The following RPS6KA2 variants were observed in gnomAD, a reference collection of about 807,000 sequenced individuals.
RPS6KA2 encodes ribosomal protein S6 kinase A2.
RPS6KA2 carries 42 observed loss-of-function variants against 91.8 expected under a neutral mutation model. The observed-to-expected ratio is 0.46, with a 90% CI of 0.36 to 0.59. RPS6KA2 has a LOEUF of 0.59. RPS6KA2 is among the 20% of genes least tolerant of loss of function. The probability of loss-of-function intolerance (pLI) is 0.00; values close to 1 mark genes in which losing one functional copy is unlikely to be tolerated. For synonymous variants in RPS6KA2, 414 were observed against 393.6 expected (o/e 1.05, Z -0.61); for missense variants, 798 against 978.5 (o/e 0.82, Z 2.46).
At chr6:166,439,751 T>A (rs1779460224) in intron 14 of RPS6KA2, 1 of 152,240 alleles carries the variant, frequency 6.6e-6, no homozygotes, top group African/African-American at 2.4e-5. Context: ...CTCTGGTTGG[T>A]CCTGACTTGG....
intron 3 of RPS6KA2, among the ~76,000 whole-genome samples, chr6:166,512,335 A>G (rs958497944): frequency 1.3e-5 from 2 of 152,186 alleles, no homozygotes; most frequent in African/African-American, 4.8e-5. Context: ...ATGGGAAGTC[A>G]TTGTTTCCAC....
At chr6:166,714,737 T>C (rs1411470846) in intron 2 of RPS6KA2, among the ~76,000 whole-genome samples, 1 of 152,216 alleles carries the variant, frequency 6.6e-6, no homozygotes, top group East Asian at 1.9e-4. Flanking sequence ...GAGCCCACTC[T>C]GCCACACCTC....
chr6:166,697,850 G>C (rs1272274644), intron 2 of RPS6KA2, among the ~76,000 whole-genome samples: 1 of 152,214 alleles, frequency 6.6e-6, no homozygotes, highest in Non-Finnish European at 1.5e-5. Context: ...GGAACAGAAG[G>C]CATGTCTGCC....
rs981358199 is a variant in RPS6KA2 at position 166,849,781 on chromosome 6, G to T, written c.123+8419C>A. Among the ~76,000 whole-genome samples, 12 of 152,222 alleles carry T rather than the reference G, an allele frequency of 7.9e-5. No individual in the cohort carries two copies. Among genetic ancestry groups the T allele is most frequent in the Non-Finnish European group, 1.6e-4 (11 of 68,030 alleles). On this transcript the variant is annotated intron_variant, in intron 2 of 21. Coordinates refer to the RPS6KA2 transcript ENST00000503859. The surrounding 1 kb of genome is among the most constrained non-coding windows in gnomAD (Gnocchi z 4.9). The stretch of plus-strand genomic sequence containing the variant: ...CTGACACCAGCATGTGTTCACAGCC[G>T]TTTCCTCAAGCTGACTGAATTCTCG...
chr6:166,510,558 TA>T (rs1204428160), intron 3 of RPS6KA2, among the ~76,000 whole-genome samples: 131 of 8,268 alleles, frequency 0.016, 23 homozygotes, highest in Non-Finnish European at 1.5e-3. Context: ...CTCTCTCATA[TA>T]TATATATATA....
intron 2 of RPS6KA2, among the ~76,000 whole-genome samples, chr6:166,703,976 C>T (rs1239557042): frequency 6.6e-6 from 1 of 152,202 alleles, no homozygotes; most frequent in Admixed American, 6.5e-5. Context: ...CTTCCAGCTG[C>T]TGTCTTCAGA....
At chr6:166,855,396 GGAGGAGGAGGAA>G (rs1390035127) in intron 2 of RPS6KA2, among the ~76,000 whole-genome samples, 9 of 151,300 alleles carry the variant, frequency 5.9e-5, no homozygotes, top group African/African-American at 2.2e-4. Context: ...AAAAGGAGAA[GGAGGAGGAGGAA>G]GAGGAGGAGG....
chr6:166,468,169 C>A (rs904516385), intron 11 of RPS6KA2, among the ~76,000 whole-genome samples: 7 of 152,196 alleles, frequency 4.6e-5, no homozygotes, highest in Non-Finnish European at 1.0e-4. Context: ...ACCTTAGGTG[C>A]CCATCTGTGA....
chr6:166,762,099 G>T (rs1778189481), intron 2 of RPS6KA2, among the ~76,000 whole-genome samples: 1 of 152,292 alleles, frequency 6.6e-6, no homozygotes, highest in South Asian at 2.1e-4. Context: ...TACATGGTCT[G>T]TCCCACCTGG....
At chr6:166,555,664 T>C (rs566096178) in intron 1 of RPS6KA2, among the ~76,000 whole-genome samples, 116 of 152,262 alleles carry the variant, frequency 7.6e-4, no homozygotes, top group South Asian at 4.2e-3. Flanking sequence ...CTGACTCCTG[T>C]GTGCATCGGG....
chr6:166,486,172 G>A (rs1204434822), intron 10 of RPS6KA2, among the ~76,000 whole-genome samples: 2 of 152,198 alleles, frequency 1.3e-5, no homozygotes, highest in Non-Finnish European at 2.9e-5. Context: ...GGACTTTGCT[G>A]AGGGGGTCCC....
At chr6:166,425,105 A>G (rs1232479251) in intron 16 of RPS6KA2, among the ~76,000 whole-genome samples, 1 of 152,170 alleles carries the variant, frequency 6.6e-6, no homozygotes, top group Non-Finnish European at 1.5e-5. Flanking sequence ...CAGCCTGGAG[A>G]AGCTTCCAGA....
In RPS6KA2 at chr6:166,862,083, A is replaced by G. The variant is rs1349380712; in HGVS notation, c.63+25T>C. The stretch of plus-strand genomic sequence containing the variant: ...GTTCGGATTCTTGAGGATGCTGTGA[A>G]AAGTGCGTTCTCTCCTGCACTCACC... On this transcript the variant is annotated intron_variant, in intron 1 of 21. Coordinates refer to the RPS6KA2 transcript ENST00000503859. 5 of 1,614,038 alleles carry G rather than the reference A, an allele frequency of 3.1e-6. No individual in the cohort carries two copies. The African/African-American group carries it at 4.0e-5, about 13-fold the overall frequency.
At position 166,710,533 on chromosome 6, in the gene RPS6KA2, G is replaced by A. The variant is rs902155181; in HGVS notation, c.123+147667C>T. 3.3e-5 allele frequency among the ~76,000 whole-genome samples: 5 copies of A among 151,734 alleles called. No homozygotes were observed. In the East Asian group the frequency reaches 9.7e-4, roughly 29 times the overall value. On this transcript the variant is annotated intron_variant, in intron 2 of 21. Transcript: ENST00000503859. ...GTGGTGTGTGTGTGTTATGTGTGGTGTGTATGTGTGTTTGCATTGTGTGTC... is the reference window on the plus strand; with the variant it reads ...GTGGTGTGTGTGTGTTATGTGTGGTATGTATGTGTGTTTGCATTGTGTGTC...
chr6:166,450,315 C>T (rs1420571878), intron 13 of RPS6KA2, among the ~76,000 whole-genome samples: 1 of 151,028 alleles, frequency 6.6e-6, no homozygotes, highest in Non-Finnish European at 1.5e-5. Context: ...CCATAGGGAC[C>T]ACCAGGGGGA....
intron 1 of RPS6KA2, among the ~76,000 whole-genome samples, chr6:166,583,625 A>T (rs1049380750): frequency 6.6e-5 from 10 of 152,226 alleles, no homozygotes; most frequent in Non-Finnish European, 1.3e-4. Flanking sequence ...GTTTGTCATT[A>T]AAAACCGAAG....
rs142652191 is a variant in RPS6KA2 at position 166,507,117 on chromosome 6, A to G, written c.459+1086T>C. Among the ~76,000 whole-genome samples the G allele has an allele frequency of 2.0e-3, 300 of 152,118 alleles. 1 individual carries two copies. The highest frequency in any genetic ancestry group is 7.1e-3 in the African/African-American group (296 of 41,484). ...CACCCGATGCTCCCGAACAGCCCCA[A>G]TGTTCAGCCGGCTTAGCAGTACCTC... On this transcript the variant is annotated intron_variant, in intron 5 of 20. Transcript: ENST00000265678.
At chr6:166,826,787 G>T (rs1290474901) in intron 2 of RPS6KA2, among the ~76,000 whole-genome samples, 1 of 152,104 alleles carries the variant, frequency 6.6e-6, no homozygotes, top group Non-Finnish European at 1.5e-5. Flanking sequence ...TATAGGGCTT[G>T]GTCTACTGGA....
At chr6:166,425,030 G>T (rs372927055) in intron 16 of RPS6KA2, among the ~76,000 whole-genome samples, 13 of 152,136 alleles carry the variant, frequency 8.5e-5, no homozygotes, top group African/African-American at 2.9e-4. Context: ...GATATAAATG[G>T]GTAAAGGTGT....
Sources: allele counts gnomAD v4.1 joint callset (sites outside exome capture counted in the v4.1 genomes callset), GRCh38; gene constraint gnomAD v4.1.1; non-coding constraint Gnocchi (gnomAD v3.1); transcripts MANE v1.5; gene names NCBI Gene and HGNC (gene_info 2026-07-23, HGNC 2026-07-21).